Variants in GRM7 observed in about 807,000 individuals in gnomAD.
GRM7 encodes the protein metabotropic glutamate receptor 7.
A neutral mutation model predicts 84.5 loss-of-function variants in GRM7; 35 were observed. That is an observed-to-expected ratio of 0.41 (90% CI 0.32 to 0.55). GRM7 has a LOEUF of 0.55. Among genes scored for constraint, GRM7 ranks in the 20% least tolerant of loss-of-function variants. The pLI, the probability that GRM7 is intolerant of heterozygous loss-of-function variation, is 0.19. For synonymous variants in GRM7, 487 were observed against 455.1 expected, an observed-to-expected ratio of 1.07 and a Z score of -0.89; for missense variants, 1,003 against 1,194.6, an observed-to-expected ratio of 0.84 and a Z score of 2.36.
chr3:7,721,993 G>T (rs374551336), intron 9 of GRM7, among the ~76,000 whole-genome samples: 1 of 152,284 alleles, frequency 6.6e-6, no homozygotes, highest in African/African-American at 2.4e-5. Flanking sequence ...ACAAACATTT[G>T]ACAGATTCCT....
chr3:7,482,264 C>G (rs1699160232), intron 7 of GRM7, among the ~76,000 whole-genome samples: 1 of 152,066 alleles, frequency 6.6e-6, no homozygotes, highest in South Asian at 2.1e-4. Context: ...TCCTATAAAC[C>G]CTGTAAGTTT....
chr3:7,151,179 G>A lies in GRM7; in HGVS notation c.736+4511G>A, dbSNP rs1694277746. On this transcript the variant is annotated intron_variant, in intron 2 of 9. Transcript: ENST00000357716. The surrounding 1 kb of genome is among the most constrained non-coding windows in gnomAD (Gnocchi z 4.5). Reference sequence around the variant, plus strand: ...ATATTTTTTTCCTAAAATACTTAGAGGAAGATTTGATTAACTGTTATTAAC... The same window carrying A: ...ATATTTTTTTCCTAAAATACTTAGAAGAAGATTTGATTAACTGTTATTAAC... Among the ~76,000 whole-genome samples, 1 of 151,946 alleles carries A rather than the reference G, an allele frequency of 6.6e-6. No individual in the cohort carries two copies. The highest frequency in any genetic ancestry group is 1.5e-5 in the Non-Finnish European group (1 of 67,990).
chr3:7,648,248 G>GTT (rs60434793), intron 8 of GRM7, among the ~76,000 whole-genome samples: 28,924 of 145,878 alleles, frequency 0.2, 3,193 homozygotes, highest in Non-Finnish European at 0.26. Context: ...GCTATAAATA[G>GTT]TTTTTTTTTT....
intron 2 of GRM7, among the ~76,000 whole-genome samples, chr3:7,214,306 C>T (rs369616751): frequency 1.3e-5 from 2 of 152,186 alleles, no homozygotes; most frequent in Admixed American, 1.3e-4. Flanking sequence ...TTAACAAAAA[C>T]CTAGTTTCTC....
At chr3:6,906,677 C>G (rs1439614644) in intron 1 of GRM7, among the ~76,000 whole-genome samples, 1 of 152,052 alleles carries the variant, frequency 6.6e-6, no homozygotes, top group Non-Finnish European at 1.5e-5. Context: ...GCCTCTTGAA[C>G]CCATATATGC....
At chr3:7,530,986 A>G (rs551467641) in intron 7 of GRM7, among the ~76,000 whole-genome samples, 5 of 152,164 alleles carry the variant, frequency 3.3e-5, no homozygotes, top group African/African-American at 1.2e-4. Context: ...TTTTGTTGCA[A>G]TTACTTTTGG....
intron 7 of GRM7, among the ~76,000 whole-genome samples, chr3:7,487,895 G>T (rs1009439769): frequency 5.3e-5 from 8 of 152,142 alleles, no homozygotes; most frequent in Non-Finnish European, 1.0e-4. Flanking sequence ...AAAACCACAG[G>T]CTCTAGTGTA....
intron 2 of GRM7, among the ~76,000 whole-genome samples, chr3:7,175,275 C>G (rs765705010): frequency 6.6e-6 from 1 of 152,236 alleles, no homozygotes; most frequent in Non-Finnish European, 1.5e-5. Context: ...ATACCATAGT[C>G]TCCATCCATC....
At chr3:7,390,532 A>G (rs1694950144) in intron 4 of GRM7, among the ~76,000 whole-genome samples, 1 of 152,002 alleles carries the variant, frequency 6.6e-6, no homozygotes, top group Admixed American at 6.6e-5. Context: ...GGCTTTACTC[A>G]TCTTTTAAAA....
intron 1 of GRM7, among the ~76,000 whole-genome samples, chr3:7,075,367 T>G (rs1452810675): frequency 1.3e-5 from 2 of 152,206 alleles, no homozygotes; most frequent in Non-Finnish European, 2.9e-5. Flanking sequence ...TGCCAGGCTC[T>G]TCTCTGGAAC....
In GRM7 at chr3:7,025,720, C is replaced by G. The variant is rs190263296; in HGVS notation, c.520-120732C>G. On this transcript the variant is annotated intron_variant, in intron 1 of 9. Transcript: ENST00000357716. Reference sequence around the variant, plus strand: ...TGTCTTGCTTTACCTACATCTTACTCTAACATTGGCCTCTTGTGTTCTTTT... The same window carrying G: ...TGTCTTGCTTTACCTACATCTTACTGTAACATTGGCCTCTTGTGTTCTTTT... Among the ~76,000 whole-genome samples, 839 of 152,270 alleles carry G rather than the reference C, an allele frequency of 5.5e-3. 2 individuals are homozygous for G. The highest frequency in any genetic ancestry group is 8.2e-3 in the Non-Finnish European group (558 of 68,016).
chr3:7,574,379 T>C (rs1694854413), intron 7 of GRM7, among the ~76,000 whole-genome samples: 1 of 152,124 alleles, frequency 6.6e-6, no homozygotes, highest in African/African-American at 2.4e-5. Flanking sequence ...AGGCTGGTCT[T>C]GAATTCCTGA....
intron 8 of GRM7, among the ~76,000 whole-genome samples, chr3:7,662,778 C>G (rs1210398800): frequency 1.3e-5 from 2 of 152,064 alleles, no homozygotes; most frequent in Non-Finnish European, 2.9e-5. Flanking sequence ...GTTCTTTGTC[C>G]TATGTCAAAT....
At chr3:7,343,874 T>C (rs1692765603) in intron 4 of GRM7, among the ~76,000 whole-genome samples, 1 of 152,116 alleles carries the variant, frequency 6.6e-6, no homozygotes, top group Non-Finnish European at 1.5e-5. Context: ...CCTTCATATT[T>C]CTTCTGAGCC....
intron 7 of GRM7, chr3:7,520,404 G>A: frequency 6.6e-6 from 1 of 151,964 alleles, no homozygotes; most frequent in East Asian, 1.9e-4. Context: ...GTCCCATCTT[G>A]CCCTTATTAA....
intron 2 of GRM7, among the ~76,000 whole-genome samples, chr3:7,260,563 C>T (rs1039336548): frequency 6.6e-6 from 1 of 151,972 alleles, no homozygotes; most frequent in Non-Finnish European, 1.5e-5. Context: ...TTTGTTATTT[C>T]TAATTGTGTT....
At chr3:7,713,943 C>T (rs547571617) in intron 9 of GRM7, among the ~76,000 whole-genome samples, 10 of 151,926 alleles carry the variant, frequency 6.6e-5, no homozygotes, top group African/African-American at 1.4e-4. Flanking sequence ...AAGAGCCATC[C>T]GCAGAGTCTC....
intron 2 of GRM7, among the ~76,000 whole-genome samples, chr3:7,204,885 G>C (rs558420148): frequency 1.3e-5 from 2 of 152,292 alleles, no homozygotes; most frequent in African/African-American, 4.8e-5. Context: ...TCAATATGTT[G>C]GGGATTTCTG....
chr3:7,669,380 G>A (rs987156844), intron 8 of GRM7, among the ~76,000 whole-genome samples: 13 of 152,166 alleles, frequency 8.5e-5, no homozygotes, highest in African/African-American at 3.1e-4. Flanking sequence ...AACAACATGT[G>A]CAAAGGGCTT....
Sources: gnomAD v4.1 joint callset for allele counts (sites outside exome capture counted in the v4.1 genomes callset) on GRCh38, gnomAD v4.1.1 for gene constraint, Gnocchi (gnomAD v3.1) non-coding constraint, MANE v1.5 for transcripts, NCBI Gene and HGNC (gene_info 2026-07-23, HGNC 2026-07-21) for gene names.